RABEP1: variants seen among roughly 807,000 people sequenced by gnomAD.
RABEP1 encodes rab GTPase-binding effector protein 1.
RABEP1 carries 51 observed loss-of-function variants against 123.4 expected under a neutral mutation model. The ratio of observed to expected loss-of-function variants is 0.41; its 90% CI spans 0.33 to 0.52. The LOEUF is 0.52. Among genes scored for constraint, RABEP1 ranks in the 20% least tolerant of loss-of-function variants. The probability of loss-of-function intolerance (pLI) is 0.16; values close to 1 mark genes in which losing one functional copy is unlikely to be tolerated. For missense variants in RABEP1, 888 were observed against 996.3 expected (o/e 0.89, Z 1.46); for synonymous variants, 347 against 355.2 (o/e 0.98, Z 0.26).
Position 5,383,311 on chromosome 17 carries a change from G to T in RABEP1, c.*88G>T, listed in dbSNP as rs771679051. On this transcript the variant is annotated 3_prime_UTR_variant, in exon 18 of 18. Transcript: ENST00000537505. ...AATTATTATTTAACTCTTAACTGAA[G>T]AAAGAGAAGTCACAACAAAAGGAAG... 5.3e-5 allele frequency: 56 copies of T among 1,046,852 alleles called. No homozygotes were observed. The highest frequency in any genetic ancestry group is 6.4e-5 in the Non-Finnish European group (44 of 687,854). 64.8% of individuals were successfully genotyped at this position (1,046,852 alleles called of 1,614,324 possible).
chr17:5,322,560 T>G (rs1905485255), intron 2 of RABEP1, among the ~76,000 whole-genome samples: 1 of 152,020 alleles, frequency 6.6e-6, no homozygotes, highest in African/African-American at 2.4e-5. Context: ...CTCTTAGTAA[T>G]GGACAGATTA....
At chr17:5,374,977 A>G (rs937303374) in intron 13 of RABEP1, among the ~76,000 whole-genome samples, 1 of 151,724 alleles carries the variant, frequency 6.6e-6, no homozygotes, top group Non-Finnish European at 1.5e-5. Flanking sequence ...CGGTTTCGCC[A>G]TGTTGGCCAG....
Position 5,379,032 on chromosome 17 carries a change from C to T in RABEP1, c.2271+800C>T, listed in dbSNP as rs536931670. 1.3e-4 allele frequency among the ~76,000 whole-genome samples: 20 copies of T among 152,298 alleles called. No homozygotes were observed. In the South Asian group the frequency reaches 1.7e-3, roughly 13 times the overall value. Reference sequence around the variant, plus strand: ...GCTGATGCCACGAGACTTGGTGACACTGCATGCTCAAGCTGCCAGATGGGC... The same window carrying T: ...GCTGATGCCACGAGACTTGGTGACATTGCATGCTCAAGCTGCCAGATGGGC... On this transcript the variant is annotated intron_variant, in intron 15 of 17. Transcript: ENST00000537505.
chr17:5,331,928 A>C (rs369651293), intron 2 of RABEP1, 21 bp from the exon 3 acceptor site: 2 of 1,607,856 alleles, frequency 1.2e-6, no homozygotes, highest in Non-Finnish European at 1.7e-6. Context: ...TTAATGGACT[A>C]TCTTTTACTT....
At chr17:5,287,751 C>T (rs1287827452) in intron 1 of RABEP1, among the ~76,000 whole-genome samples, 1 of 151,946 alleles carries the variant, frequency 6.6e-6, no homozygotes, top group Non-Finnish European at 1.5e-5. Flanking sequence ...AAAACCGCAT[C>T]TCTACAAAAA....
In RABEP1 at chr17:5,350,714, A is replaced by G. The variant is rs562722126; in HGVS notation, c.963+85A>G. ...TTGCATTACCTTATGTGTATTAGAG[A>G]CTGACTTAAGCTGCAACAAGGTGAT... On this transcript the variant is annotated intron_variant, in intron 7 of 17. Coordinates refer to ENST00000537505, the MANE Select transcript of RABEP1 (RefSeq NM_004703.6). The G allele has an allele frequency of 1.6e-4, 225 of 1,432,990 alleles. 3 individuals are homozygous for G. The highest frequency in any genetic ancestry group is 1.0e-3 in the East Asian group (44 of 42,302). 88.8% of individuals were successfully genotyped at this position (1,432,990 alleles called of 1,614,324 possible).
At chr17:5,326,469 G>A (rs1368495567) in intron 2 of RABEP1, among the ~76,000 whole-genome samples, 1 of 152,186 alleles carries the variant, frequency 6.6e-6, no homozygotes, top group Non-Finnish European at 1.5e-5. Flanking sequence ...AAGATCAGTG[G>A]TTGCCAGGGG....
At chr17:5,321,559 G>A (rs536177992) in intron 2 of RABEP1, among the ~76,000 whole-genome samples, 2 of 152,244 alleles carry the variant, frequency 1.3e-5, no homozygotes, top group South Asian at 2.1e-4. Context: ...GCAGTGAGCC[G>A]TATTTGTGCC....
chr17:5,341,557 C>T (rs1265161533), intron 5 of RABEP1, among the ~76,000 whole-genome samples: 1 of 152,082 alleles, frequency 6.6e-6, no homozygotes, highest in African/African-American at 2.4e-5. Context: ...TTATATTTTA[C>T]GAACTCTCAG....
chr17:5,299,379 G>GTT (rs796302510), intron 1 of RABEP1, among the ~76,000 whole-genome samples: 7 of 135,938 alleles, frequency 5.1e-5, no homozygotes, highest in East Asian at 2.1e-4. Flanking sequence ...TGTGTAGCAG[G>GTT]TTTTTTTTTT....
chr17:5,303,099 T>C (rs996681426), intron 1 of RABEP1, among the ~76,000 whole-genome samples: 12 of 152,314 alleles, frequency 7.9e-5, no homozygotes, highest in Admixed American at 6.5e-4. Flanking sequence ...CAGTCTTTTT[T>C]TCTATATAAT....
intron 5 of RABEP1, among the ~76,000 whole-genome samples, chr17:5,338,483 G>A (rs1198703845): frequency 7.2e-5 from 11 of 152,198 alleles, no homozygotes; most frequent in Non-Finnish European, 1.3e-4. Context: ...CAGGAGAATC[G>A]CTTGAAGCCC....
chr17:5,377,145 T>C lies in RABEP1; in HGVS notation c.2055T>C (p.Arg685=), dbSNP rs3026101. The change falls in exon 14 of 18, where the codon CGT becomes CGC. Residue 685 remains arginine, a synonymous_variant. Transcript: ENST00000537505. ...EALRELVLKY[R]EDIINVRTAA... is the part of the protein sequence containing the mutation. Reference sequence around the variant, plus strand: ...TGCGGGAGTTGGTATTAAAATACCGTGAGGACATCATTAATGTGCGGACAG... The same window carrying C: ...TGCGGGAGTTGGTATTAAAATACCGCGAGGACATCATTAATGTGCGGACAG... The C allele has an allele frequency of 0.32, 518,258 of 1,603,522 alleles. 87,382 individuals carry two copies. The highest frequency in any genetic ancestry group is 0.6 in the East Asian group (26,965 of 44,628).
chr17:5,321,793 G>A (rs2075357332), intron 2 of RABEP1, among the ~76,000 whole-genome samples: 1 of 152,206 alleles, frequency 6.6e-6, no homozygotes, highest in Admixed American at 6.5e-5. Flanking sequence ...AGGTGCAGTG[G>A]CTTATACCTG....
chr17:5,353,431 G>C (rs992366402), intron 7 of RABEP1, among the ~76,000 whole-genome samples: 1 of 152,130 alleles, frequency 6.6e-6, no homozygotes, highest in African/African-American at 2.4e-5. Flanking sequence ...GCTGTTTTAC[G>C]TGACACTGAA....
intron 13 of RABEP1, among the ~76,000 whole-genome samples, chr17:5,374,593 C>T (rs913379317): frequency 6.7e-6 from 1 of 150,194 alleles, no homozygotes; most frequent in Non-Finnish European, 1.5e-5. Context: ...TGCGCCAGCA[C>T]GCTGGGCTAA....
rs193103972 is a variant in RABEP1 at position 5,337,679 on chromosome 17, C to T, written c.529-340C>T. Among the ~76,000 whole-genome samples the T allele has an allele frequency of 1.3e-4, 20 of 151,870 alleles. No individual in the cohort carries two copies. In the East Asian group the frequency reaches 2.9e-3, roughly 22 times the overall value. On this transcript the variant is annotated intron_variant, in intron 4 of 17. Coordinates refer to ENST00000537505, the MANE Select transcript of RABEP1 (RefSeq NM_004703.6). ...CTGCACTCCAGCCTGGGTGACAGAG[C>T]GAGACTCCGTCTCAAAAAAAAAAAT...
chr17:5,377,057 AG>A, intron 13 of RABEP1, 58 bp from the exon 14 acceptor site: 1 of 1,487,728 alleles, frequency 6.7e-7, no homozygotes, highest in South Asian at 1.3e-5. Flanking sequence ...GAAAATCTTT[AG>A]CTTCTTTATT....
intron 9 of RABEP1, chr17:5,362,171 A>G: frequency 6.2e-6 from 1 of 161,938 alleles, no homozygotes; most frequent in Non-Finnish European, 1.4e-5. Flanking sequence ...TCCTTAGAGA[A>G]TTTGTAAATT....
Sources: gnomAD v4.1 joint callset for allele counts (sites outside exome capture counted in the v4.1 genomes callset) on GRCh38, gnomAD v4.1.1 for gene constraint, MANE v1.5 for transcripts, NCBI Gene and HGNC (gene_info 2026-07-23, HGNC 2026-07-21) for gene names.